The following HTRA4 variants were observed in gnomAD, a reference collection of about 807,000 sequenced individuals.
HTRA4 encodes the protein serine protease HTRA4.
Under a neutral mutation model 49.1 loss-of-function variants are expected in HTRA4, and 46 were observed. The observed-to-expected ratio is 0.94, with a 90% CI of 0.74 to 1.20. HTRA4 has a LOEUF of 1.20. Among genes scored for constraint, HTRA4 ranks in the 50% most tolerant of loss-of-function variants. HTRA4 has a pLI of 0.00. For synonymous variants in HTRA4, 261 were observed against 264.0 expected, an observed-to-expected ratio of 0.99 and a Z score of 0.11; for missense variants, 602 against 636.9, an observed-to-expected ratio of 0.95 and a Z score of 0.59.
Position 38,974,446 on chromosome 8 carries a change from G to T in HTRA4, c.183G>T (p.Pro61=). The T allele has an allele frequency of 6.5e-7, 1 of 1,542,700 alleles. No individual in the cohort carries two copies. The highest frequency in any genetic ancestry group is 8.7e-7 in the Non-Finnish European group (1 of 1,148,388). The stretch of plus-strand genomic sequence containing the variant: ...CCACCTGCGCGCTGGGGACCACGCC[G>T]GTGTTCGACCTGTGCCGCTGTTGCC... ...ALPTCALGTT[P]VFDLCRCCRV... Residue 61 remains proline, a synonymous_variant, in exon 1 of 9, where the codon CCG becomes CCT. Coordinates refer to ENST00000302495, the MANE Select transcript of HTRA4 (RefSeq NM_153692.4).
intron 8 of HTRA4, among the ~76,000 whole-genome samples, chr8:38,983,898 G>T (rs886456871): frequency 6.6e-6 from 1 of 151,890 alleles, no homozygotes; most frequent in African/African-American, 2.4e-5. Flanking sequence ...AATTAATTTG[G>T]CTAGGAATTC....
chr8:38,980,092 G>A (rs529094212), intron 5 of HTRA4, among the ~76,000 whole-genome samples: 6 of 152,242 alleles, frequency 3.9e-5, no homozygotes, highest in East Asian at 3.9e-4. Flanking sequence ...ATTGTATTCC[G>A]TGTCTCTAGT....
chr8:38,981,205 G>A (rs907316042), intron 5 of HTRA4, among the ~76,000 whole-genome samples: 1 of 147,034 alleles, frequency 6.8e-6, no homozygotes, highest in Non-Finnish European at 1.5e-5. Context: ...TCAGCCTCCC[G>A]AGTAGCTGGG....
At chr8:38,981,849 T>G in intron 6 of HTRA4, 82 bp downstream of exon 6, 1 of 1,027,894 alleles carries the variant, frequency 9.7e-7, no homozygotes, top group East Asian at 2.4e-5. Context: ...TGACAGCAAT[T>G]TTTTTGTTTT....
At chr8:38,980,482 C>G (rs1221083388) in intron 5 of HTRA4, among the ~76,000 whole-genome samples, 1 of 151,116 alleles carries the variant, frequency 6.6e-6, no homozygotes, top group East Asian at 1.9e-4. Context: ...AATCCCAGCA[C>G]TTTGGGAGTC....
Position 38,982,984 on chromosome 8 carries a change from G to A in HTRA4, c.1204G>A (p.Asp402Asn). ...LSEELKMHYPDFPDVSSGVYV... is the reference protein window; with the variant it reads ...LSEELKMHYPNFPDVSSGVYV... ...TGAAGAATTGAAAATGCATTATCCA[G>A]ATTTCCCTGATGTGAGTTCTGGGGT... Residue 402 changes from aspartate (D) to asparagine (N), a missense_variant, in exon 8 of 9, where the codon GAT becomes AAT. Asp to Asn is a conservative substitution (Grantham distance 23). Coordinates refer to ENST00000302495, the MANE Select transcript of HTRA4 (RefSeq NM_153692.4). 1 of 1,613,686 alleles carries A rather than the reference G, an allele frequency of 6.2e-7. No homozygotes were observed. Among genetic ancestry groups the A allele is most frequent in the Non-Finnish European group, 8.5e-7 (1 of 1,179,642 alleles).
chr8:38,978,943 G>A lies in HTRA4; in HGVS notation c.967-272G>A, dbSNP rs111684319. On this transcript the variant is annotated intron_variant, in intron 4 of 8. Transcript: ENST00000302495. ...CGGGAGGCAGAGGTTGCAGTGAGTC[G>A]AGATTGCGCCATTGCATTCCAGCCT... Among the ~76,000 whole-genome samples, 5 of 146,696 alleles carry A rather than the reference G, an allele frequency of 3.4e-5. 1 individual carries two copies. The highest frequency in any genetic ancestry group is 1.3e-4 in the African/African-American group (5 of 39,444).
rs1835313190 is a variant in HTRA4, at chr8:38,974,377, C to T, written c.114C>T (p.Pro38=). The T allele has an allele frequency of 1.3e-6, 2 of 1,587,886 alleles. No individual in the cohort carries two copies. Among genetic ancestry groups the T allele is most frequent in the African/African-American group, 1.3e-5 (1 of 74,516 alleles). ...WAGAEKLHTQ[P]SCPAVCQPTR... is the part of the protein sequence containing the mutation. The stretch of plus-strand genomic sequence containing the variant: ...GGGCTGAAAAGCTACATACCCAGCC[C>T]TCCTGCCCCGCGGTCTGCCAGCCCA... Residue 38 remains proline (P), a synonymous_variant, in exon 1 of 9, where the codon CCC becomes CCT. Coordinates refer to ENST00000302495, the MANE Select transcript of HTRA4 (RefSeq NM_153692.4).
At chr8:38,981,502 C>T (rs1835424131) in intron 5 of HTRA4, 151 bp from the exon 6 acceptor site, 1 of 608,172 alleles carries the variant, frequency 1.6e-6, no homozygotes, top group South Asian at 2.0e-5. Context: ...TATAAAGGAA[C>T]ATCCGTTGCT....
chr8:38,981,063 GTTTTTTTTTTTTTTTTTTTTT>G (rs71216700), intron 5 of HTRA4, among the ~76,000 whole-genome samples: 2 of 48,162 alleles, frequency 4.2e-5, no homozygotes, highest in African/African-American at 6.0e-5. Context: ...ATGAGCTTAA[GTTTTTTTTTTTTTTTTTTTTT>G]TTTTTTTTTT....
chr8:38,980,569 C>T (rs1036086891), intron 5 of HTRA4, among the ~76,000 whole-genome samples: 5 of 108,942 alleles, frequency 4.6e-5, no homozygotes, highest in African/African-American at 1.8e-4. Context: ...CTCTACCTAA[C>T]ATACAAAAAA....
At chr8:38,977,220 GC>G (rs1035435386) in intron 3 of HTRA4, among the ~76,000 whole-genome samples, 4 of 151,118 alleles carry the variant, frequency 2.6e-5, no homozygotes, top group Non-Finnish European at 5.9e-5. Context: ...ACAGGTGTGA[GC>G]CACTGCGCTT....
In HTRA4 at chr8:38,974,663, C is replaced by G. The variant is rs1464945387; in HGVS notation, c.400C>G (p.Arg134Gly). ...PSMCALRAEN[R>G]AARRLGKVPA... Reference sequence around the variant, plus strand: ...CATGTGCGCGCTCCGGGCCGAAAACCGCGCCGCGCGCCGCCTGGGCAAGGT... The same window carrying G: ...CATGTGCGCGCTCCGGGCCGAAAACGGCGCCGCGCGCCGCCTGGGCAAGGT... The change falls in exon 1 of 9, where the codon CGC (arginine) becomes GGC (glycine). Residue 134 changes from arginine to glycine, a missense_variant. Transcript: ENST00000302495. 10 of 1,399,666 alleles carry G rather than the reference C, an allele frequency of 7.1e-6. No homozygotes were observed. The highest frequency in any genetic ancestry group is 3.4e-5 in the Admixed American group (1 of 29,320). The allele number at this position is 1,399,666 out of a possible 1,614,324, so 86.7% of individuals were successfully genotyped here. A position where few individuals can be genotyped will look rare whatever the true frequency, so the allele number is the denominator to read the frequency against.
intron 5 of HTRA4, among the ~76,000 whole-genome samples, chr8:38,981,079 T>TTTTTTG (rs1835415576): frequency 7.7e-6 from 1 of 129,146 alleles, no homozygotes; most frequent in African/African-American, 2.9e-5. Flanking sequence ...TTTTTTTTTT[T>TTTTTTG]TTTTTTTTTT....
chr8:38,981,826 C>A, intron 6 of HTRA4, 59 bp downstream of exon 6: 1 of 1,222,704 alleles, frequency 8.2e-7, no homozygotes, highest in Non-Finnish European at 1.2e-6. Flanking sequence ...CAGGAACACT[C>A]AATCTTTTGT....
chr8:38,980,390 C>T (rs547014972), intron 5 of HTRA4, among the ~76,000 whole-genome samples: 1 of 152,008 alleles, frequency 6.6e-6, no homozygotes, highest in Admixed American at 6.5e-5. Flanking sequence ...TCAGGCCATA[C>T]CCCCGACCTA....
In HTRA4 at chr8:38,988,107, T is replaced by C. The variant is rs1210983322; in HGVS notation, c.*9T>C. On this transcript the variant is annotated 3_prime_UTR_variant, in exon 9 of 9. Transcript: ENST00000302495. ...CTGAAACAATCAATTAAATATCTTG[T>C]TTTAAAGTGGGATTATCTAAAAAAA... 1.1e-5 allele frequency: 17 copies of C among 1,559,818 alleles called. No homozygotes were observed. The highest frequency in any genetic ancestry group is 1.4e-5 in the Non-Finnish European group (16 of 1,159,484).
chr8:38,982,547 C>T lies in HTRA4; in HGVS notation c.1164C>T (p.Leu388=). 1.2e-6 allele frequency: 2 copies of T among 1,614,104 alleles called. No individual in the cohort carries two copies. Among genetic ancestry groups the T allele is most frequent in the South Asian group, 1.1e-5 (1 of 91,074 alleles). ...KKYLGLQMLS[L]TVPLSEELKM... ...ATCTGGGTCTGCAAATGCTGTCCCT[C>T]ACTGTGCCGTAAGCATGTGTTTGAA... Residue 388 remains leucine (L), a synonymous_variant, in exon 7 of 9, where the codon CTC becomes CTT. Coordinates refer to ENST00000302495, the MANE Select transcript of HTRA4 (RefSeq NM_153692.4).
intron 5 of HTRA4, among the ~76,000 whole-genome samples, chr8:38,980,483 T>C (rs936143529): frequency 2.0e-5 from 3 of 152,002 alleles, no homozygotes; most frequent in Non-Finnish European, 4.4e-5. Flanking sequence ...ATCCCAGCAC[T>C]TTGGGAGTCT....
Sources: allele counts gnomAD v4.1 joint callset (sites outside exome capture counted in the v4.1 genomes callset), GRCh38; gene constraint gnomAD v4.1.1; transcripts MANE v1.5; gene names NCBI Gene and HGNC (gene_info 2026-07-23, HGNC 2026-07-21).